Variants in ASB18 observed in about 807,000 individuals in gnomAD.
ASB18 encodes the protein ankyrin repeat and SOCS box containing 18, also known as ankyrin repeat and SOCS box protein 18.
In ASB18, 33 loss-of-function variants were observed where a neutral mutation model predicts 33.4. That is an observed-to-expected ratio of 0.99 (90% CI 0.75 to 1.32). The LOEUF is 1.32. ASB18 is among the 40% of genes most tolerant of loss of function. ASB18 has a pLI of 0.00. For synonymous variants in ASB18, 295 were observed against 307.6 expected (o/e 0.96, Z 0.43); for missense variants, 694 against 655.5 (o/e 1.06, Z -0.64).
At chr2:236,258,955 C>T (rs924402608) in intron 1 of ASB18, among the ~76,000 whole-genome samples, 1 of 152,164 alleles carries the variant, frequency 6.6e-6, no homozygotes, top group African/African-American at 2.4e-5. Context: ...TGCTGACATC[C>T]TTAATAATAG....
chr2:236,223,881 A>G lies in ASB18; in HGVS notation c.597-9015T>C, dbSNP rs932978907. Among the ~76,000 whole-genome samples, 3 of 152,192 alleles carry G rather than the reference A, an allele frequency of 2.0e-5. No individual in the cohort carries two copies. Reference sequence around the variant, plus strand: ...TTCTTTTTTTAAATTGCTGAGTCATATTCAATTGTATGGATATACCACAAT... The same window carrying G: ...TTCTTTTTTTAAATTGCTGAGTCATGTTCAATTGTATGGATATACCACAAT... On this transcript the variant is annotated intron_variant, in intron 3 of 5. Coordinates refer to ENST00000409749, the MANE Select transcript of ASB18 (RefSeq NM_212556.4). The surrounding 1 kb of genome is among the most constrained non-coding windows in gnomAD (Gnocchi z 4.6).
In ASB18 at chr2:236,256,216, A is replaced by G. The variant is rs1473115064; in HGVS notation, c.205+7925T>C. Among the ~76,000 whole-genome samples the G allele has an allele frequency of 1.3e-5, 2 of 152,018 alleles. No individual in the cohort carries two copies. The highest frequency in any genetic ancestry group is 2.4e-5 in the African/African-American group (1 of 41,392). On this transcript the variant is annotated intron_variant, in intron 1 of 5. Transcript: ENST00000409749. This position sits in a 1 kb window ranked among gnomAD's most constrained non-coding sequence, Gnocchi z 4.7. The stretch of plus-strand genomic sequence containing the variant: ...TAATTGGTGTATTTTTTGTAGAGAT[A>G]GAGTCTTGCCATGTTGCTCAGGCTG...
At position 236,238,118 on chromosome 2, in the gene ASB18, A is replaced by G. The variant is rs1306105565; in HGVS notation, c.329-162T>C. Among the ~76,000 whole-genome samples the G allele has an allele frequency of 1.3e-5, 2 of 152,200 alleles. No individual in the cohort carries two copies. The highest frequency in any genetic ancestry group is 2.9e-5 in the Non-Finnish European group (2 of 68,038). Reference sequence around the variant, plus strand: ...TAGAATCAGAGACGCACACAGAGACAGAGAGCAGAGAGACACACTGGGAAG... The same window carrying G: ...TAGAATCAGAGACGCACACAGAGACGGAGAGCAGAGAGACACACTGGGAAG... On this transcript the variant is annotated intron_variant, in intron 2 of 5. Transcript: ENST00000409749. The surrounding 1 kb of genome is among the most constrained non-coding windows in gnomAD (Gnocchi z 5.2).
Position 236,225,281 on chromosome 2 carries a change from C to A in ASB18, c.597-10415G>T, listed in dbSNP as rs567384459. ...AGACTACAGTTGTGTGCCACCATGC[C>A]TTGCTAATTTTTGCAGAGATGGGGT... On this transcript the variant is annotated intron_variant, in intron 3 of 5. Transcript: ENST00000409749. The surrounding 1 kb of genome is among the most constrained non-coding windows in gnomAD (Gnocchi z 5.1). Among the ~76,000 whole-genome samples, 3 of 152,164 alleles carry A rather than the reference C, an allele frequency of 2.0e-5. No individual in the cohort carries two copies. The East Asian group carries it at 5.8e-4, about 30-fold the overall frequency.
At position 236,208,739 on chromosome 2, in the gene ASB18, C is replaced by T. The variant is rs1257122749; in HGVS notation, c.1101+5623G>A. ...CCCTGCCCCTCCCCGTCCTCTGCATCGTGCCCCCTCATGTTTGCCAGGCAG... is the reference window on the plus strand; with the variant it reads ...CCCTGCCCCTCCCCGTCCTCTGCATTGTGCCCCCTCATGTTTGCCAGGCAG... On this transcript the variant is annotated intron_variant, in intron 4 of 5. Coordinates refer to ENST00000409749, the MANE Select transcript of ASB18 (RefSeq NM_212556.4). This position sits in a 1 kb window ranked among gnomAD's most constrained non-coding sequence, Gnocchi z 7.7. Among the ~76,000 whole-genome samples the T allele has an allele frequency of 1.3e-5, 2 of 152,190 alleles. No individual in the cohort carries two copies. Among genetic ancestry groups the T allele is most frequent in the Non-Finnish European group, 2.9e-5 (2 of 68,032 alleles).
At chr2:236,224,473 G>T (rs926287887) in intron 3 of ASB18, among the ~76,000 whole-genome samples, 1 of 152,158 alleles carries the variant, frequency 6.6e-6, no homozygotes, top group African/African-American at 2.4e-5. Context: ...GGGCAGGGAA[G>T]GGGACACACT....
Position 236,211,293 on chromosome 2 carries a change from TA to T in ASB18, c.1101+3068del. Among the ~76,000 whole-genome samples, 1 of 152,290 alleles carries T rather than the reference TA, an allele frequency of 6.6e-6. No individual in the cohort carries two copies. The highest frequency in any genetic ancestry group is 1.9e-4 in the East Asian group (1 of 5,170). Reference sequence around the variant, plus strand: ...GGTGCCCTGTCCCTGCCCCCAGTGTTAACTAGCGGTCAGCCAGGCAGAAAGG... The same window carrying T: ...GGTGCCCTGTCCCTGCCCCCAGTGTTACTAGCGGTCAGCCAGGCAGAAAGG... On this transcript the variant is annotated intron_variant, in intron 4 of 5. Coordinates refer to ENST00000409749, the MANE Select transcript of ASB18 (RefSeq NM_212556.4). This position sits in a 1 kb window ranked among gnomAD's most constrained non-coding sequence, Gnocchi z 5.0.
chr2:236,202,777 C>CAAAAAAAAAAAAAAAA (rs34973734), intron 4 of ASB18, among the ~76,000 whole-genome samples: 2 of 68,730 alleles, frequency 2.9e-5, no homozygotes, highest in African/African-American at 5.5e-5. Flanking sequence ...GACTCCGTCT[C>CAAAAAAAAAAAAAAAA]AAAAAAAAAA....
In ASB18 at chr2:236,241,447, C is replaced by T. The variant is rs144206102; in HGVS notation, c.206-45G>A. ...GTACTCCTGCACCGGGGACCCTGCT[C>T]TAGCTTGAGGATCCTTCTCTGTCTT... On this transcript the variant is annotated intron_variant, in intron 1 of 5. Coordinates refer to ENST00000409749, the MANE Select transcript of ASB18 (RefSeq NM_212556.4). The surrounding 1 kb of genome is among the most constrained non-coding windows in gnomAD (Gnocchi z 4.2). The T allele has an allele frequency of 1.9e-6, 3 of 1,612,496 alleles. No individual in the cohort carries two copies. Among genetic ancestry groups the T allele is most frequent in the Admixed American group, 1.7e-5 (1 of 59,882 alleles).
At position 236,244,032 on chromosome 2, in the gene ASB18, G is replaced by A. The variant is rs1559336965; in HGVS notation, c.206-2630C>T. 6.6e-6 allele frequency among the ~76,000 whole-genome samples: 1 copy of A among 152,132 alleles called. No homozygotes were observed. Among genetic ancestry groups the A allele is most frequent in the Non-Finnish European group, 1.5e-5 (1 of 68,032 alleles). On this transcript the variant is annotated intron_variant, in intron 1 of 5. Coordinates refer to ENST00000409749, the MANE Select transcript of ASB18 (RefSeq NM_212556.4). This position sits in a 1 kb window ranked among gnomAD's most constrained non-coding sequence, Gnocchi z 6.1. ...AGTAGAGACAGGGTTTCACCTTGTT[G>A]GCTAGGCTGGTCTCAAACTCCTGAC...
Position 236,203,724 on chromosome 2 carries a change from GGGTGTGAT to G in ASB18, c.1102-7347_1102-7340del, listed in dbSNP as rs1319024301. ...CTACAAAAAATACAAAAACTTAGCT[GGGTGTGAT>G]GGTGTGCATCTGTAATCCCAGCTAC... On this transcript the variant is annotated intron_variant, in intron 4 of 5. Coordinates refer to ENST00000409749, the MANE Select transcript of ASB18 (RefSeq NM_212556.4). The surrounding 1 kb of genome is among the most constrained non-coding windows in gnomAD (Gnocchi z 6.0). Among the ~76,000 whole-genome samples, 2 of 152,118 alleles carry G rather than the reference GGGTGTGAT, an allele frequency of 1.3e-5. No individual in the cohort carries two copies. Among genetic ancestry groups the G allele is most frequent in the African/African-American group, 4.8e-5 (2 of 41,414 alleles).
intron 1 of ASB18, among the ~76,000 whole-genome samples, chr2:236,242,580 G>A (rs929589390): frequency 6.6e-6 from 1 of 152,148 alleles, no homozygotes; most frequent in Non-Finnish European, 1.5e-5. Context: ...TCAGCCTCCT[G>A]TGTAGCTGAG....
In ASB18 at chr2:236,214,652, G is replaced by A. The variant is rs2060477197; in HGVS notation, c.811C>T (p.Arg271Cys). Residue 271 changes from arginine (R) to cysteine (C), a missense_variant, in exon 4 of 6, where the codon CGC becomes TGC. Transcript: ENST00000409749. The surrounding 1 kb of genome is among the most constrained non-coding windows in gnomAD (Gnocchi z 6.5). The part of the protein sequence containing the change: ...GAARRPDEHG[R>C]CLRLCALLLR... ...AGCAGCGCGCACAGGCGCAGGCAGCGCCCGTGCTCGTCGGGCCTCCGCGCC... is the reference window on the plus strand; with the variant it reads ...AGCAGCGCGCACAGGCGCAGGCAGCACCCGTGCTCGTCGGGCCTCCGCGCC... 1.1e-5 allele frequency: 13 copies of A among 1,156,580 alleles called. No individual in the cohort carries two copies. The Middle Eastern group carries it at 1.4e-3, about 128-fold the overall frequency. 71.6% of individuals were successfully genotyped at this position (1,156,580 alleles called of 1,614,324 possible).
At chr2:236,201,865 C>T (rs2060404792) in intron 4 of ASB18, among the ~76,000 whole-genome samples, 1 of 151,714 alleles carries the variant, frequency 6.6e-6, no homozygotes, top group Non-Finnish European at 1.5e-5. Flanking sequence ...TATTTTTTCC[C>T]CTCTCATTTT....
rs1461787009 is a variant in ASB18, at chr2:236,221,498, A to C, written c.597-6632T>G. 6.6e-6 allele frequency among the ~76,000 whole-genome samples: 1 copy of C among 152,118 alleles called. No individual in the cohort carries two copies. On this transcript the variant is annotated intron_variant, in intron 3 of 5. Transcript: ENST00000409749. This position sits in a 1 kb window ranked among gnomAD's most constrained non-coding sequence, Gnocchi z 5.6. ...CATACTGTTCTCTTGGTAGTGAATAAGTCTCATGAGATCTGATGGTTTGAT... is the reference window on the plus strand; with the variant it reads ...CATACTGTTCTCTTGGTAGTGAATACGTCTCATGAGATCTGATGGTTTGAT...
At position 236,226,779 on chromosome 2, in the gene ASB18, A is replaced by G. The variant is rs1173839192; in HGVS notation, c.596+10910T>C. ...GAAGCAATATTTTTCTGATCCTTTA[A>G]AGTGGGAGAGGAGTTGGGGCCCAAG... On this transcript the variant is annotated intron_variant, in intron 3 of 5. Coordinates refer to ENST00000409749, the MANE Select transcript of ASB18 (RefSeq NM_212556.4). This position sits in a 1 kb window ranked among gnomAD's most constrained non-coding sequence, Gnocchi z 4.8. Among the ~76,000 whole-genome samples, 1 of 152,198 alleles carries G rather than the reference A, an allele frequency of 6.6e-6. No individual in the cohort carries two copies. The highest frequency in any genetic ancestry group is 2.1e-4 in the South Asian group (1 of 4,826).
chr2:236,234,191 C>T lies in ASB18; in HGVS notation c.596+3498G>A, dbSNP rs1003786261. ...CGTCTTGGTAGAACACCTGGATACT[C>T]CTGGGTTGGAAGCTTGTAAGGAGTT... On this transcript the variant is annotated intron_variant, in intron 3 of 5. Transcript: ENST00000409749. The surrounding 1 kb of genome is among the most constrained non-coding windows in gnomAD (Gnocchi z 4.1). Among the ~76,000 whole-genome samples, 16 of 152,198 alleles carry T rather than the reference C, an allele frequency of 1.1e-4. No homozygotes were observed. Among genetic ancestry groups the T allele is most frequent in the African/African-American group, 3.9e-4 (16 of 41,446 alleles).
rs2060728552 is a variant in ASB18 at position 236,263,336 on chromosome 2, C to T, written c.205+805G>A. Among the ~76,000 whole-genome samples, 1 of 152,152 alleles carries T rather than the reference C, an allele frequency of 6.6e-6. No homozygotes were observed. The highest frequency in any genetic ancestry group is 2.1e-4 in the South Asian group (1 of 4,830). Reference sequence around the variant, plus strand: ...CTGATGAGGCCTACAAAGAAAAAATCCTATGGACAAGACTTTGTCCAGACC... The same window carrying T: ...CTGATGAGGCCTACAAAGAAAAAATTCTATGGACAAGACTTTGTCCAGACC... On this transcript the variant is annotated intron_variant, in intron 1 of 5. Transcript: ENST00000409749. This position sits in a 1 kb window ranked among gnomAD's most constrained non-coding sequence, Gnocchi z 4.0.
In ASB18 at chr2:236,220,131, G is replaced by A. The variant is rs183694016; in HGVS notation, c.597-5265C>T. Among the ~76,000 whole-genome samples, 1 of 152,310 alleles carries A rather than the reference G, an allele frequency of 6.6e-6. No homozygotes were observed. The highest frequency in any genetic ancestry group is 6.5e-5 in the Admixed American group (1 of 15,300). ...GAGTTAATAGAGATGAACCCATCAA[G>A]GACTGTTGAATCAATGTCATTCCAA... On this transcript the variant is annotated intron_variant, in intron 3 of 5. Coordinates refer to ENST00000409749, the MANE Select transcript of ASB18 (RefSeq NM_212556.4). This position sits in a 1 kb window ranked among gnomAD's most constrained non-coding sequence, Gnocchi z 5.1.
Sources: allele counts gnomAD v4.1 joint callset (sites outside exome capture counted in the v4.1 genomes callset), GRCh38; gene constraint gnomAD v4.1.1; non-coding constraint Gnocchi (gnomAD v3.1); transcripts MANE v1.5; gene names NCBI Gene and HGNC (gene_info 2026-07-23, HGNC 2026-07-21).